The following NPAT variants were observed in gnomAD, a reference collection of about 807,000 sequenced individuals.
NPAT encodes nuclear protein, coactivator of histone transcription, also known as protein NPAT.
NPAT carries 52 observed loss-of-function variants against 130.7 expected under a neutral mutation model. The ratio of observed to expected loss-of-function variants is 0.40; its 90% CI spans 0.32 to 0.50. The LOEUF is 0.50. NPAT is among the 20% of genes least tolerant of loss of function. The probability of loss-of-function intolerance (pLI) is 0.68; values close to 1 mark genes in which losing one functional copy is unlikely to be tolerated. For missense variants in NPAT, 1,687 were observed against 1,662.6 expected, an observed-to-expected ratio of 1.01 and a Z score of -0.26; for synonymous variants, 580 against 584.8, an observed-to-expected ratio of 0.99 and a Z score of 0.12.
intron 10 of NPAT, among the ~76,000 whole-genome samples, chr11:108,180,465 A>G (rs1378174947): frequency 1.3e-5 from 2 of 152,228 alleles, no homozygotes; most frequent in Admixed American, 1.3e-4. Context: ...TAACATCACT[A>G]ATCATTAGAG....
At chr11:108,203,130 C>T (rs1412246840) in intron 1 of NPAT, among the ~76,000 whole-genome samples, 1 of 152,204 alleles carries the variant, frequency 6.6e-6, no homozygotes, top group Admixed American at 6.5e-5. Context: ...CATAGCCCTA[C>T]TACATGTCAG....
At chr11:108,191,193 A>G (rs1390356380) in intron 4 of NPAT, among the ~76,000 whole-genome samples, 1 of 152,194 alleles carries the variant, frequency 6.6e-6, no homozygotes, top group Non-Finnish European at 1.5e-5. Context: ...TCCCACAGAG[A>G]AATTCTGATT....
chr11:108,186,496 A>G lies in NPAT; in HGVS notation c.712T>C (p.Phe238Leu), dbSNP rs1478008488. 8 of 1,614,030 alleles carry G rather than the reference A, an allele frequency of 5.0e-6. No homozygotes were observed. Among genetic ancestry groups the G allele is most frequent in the Non-Finnish European group, 6.8e-6 (8 of 1,179,944 alleles). ...GAGTCACTTACTTTTTCTACTGCAA[A>G]AGCGTTTGGATCTTGGAAATTCCGT... The part of the protein sequence containing the change: ...TIRNFQDPNA[F>L]AVEKQMVIEN... The change falls in exon 8 of 18, where the codon TTT (phenylalanine) becomes CTT (leucine). Residue 238 changes from phenylalanine (F) to leucine (L), a missense_variant. By Grantham distance (22) the Phe-to-Leu change is conservative. Around this residue, in one of 3 missense-constraint regions of NPAT, gnomAD observed 307 missense variants for 298.9 expected, o/e 1.03. Coordinates refer to ENST00000278612, the MANE Select transcript of NPAT (RefSeq NM_002519.3).
chr11:108,208,273 T>C (rs2078348319), intron 1 of NPAT: 3 of 321,048 alleles, frequency 9.3e-6, no homozygotes, highest in Middle Eastern at 2.2e-3. Flanking sequence ...CAAATATTGT[T>C]ACTAGAGACA....
intron 1 of NPAT, among the ~76,000 whole-genome samples, chr11:108,197,857 T>TA (rs2078238777): frequency 6.6e-6 from 1 of 152,192 alleles, no homozygotes; most frequent in African/African-American, 2.4e-5. Flanking sequence ...AAATGATTTA[T>TA]AAAAAGAATG....
intron 1 of NPAT, among the ~76,000 whole-genome samples, chr11:108,217,162 T>C (rs569577426): frequency 6.6e-6 from 1 of 152,066 alleles, no homozygotes; most frequent in East Asian, 1.9e-4. Flanking sequence ...TATTACAGTG[T>C]GAGCATGAGT....
intron 15 of NPAT, among the ~76,000 whole-genome samples, chr11:108,166,538 A>G (rs2077904582): frequency 6.6e-6 from 1 of 152,120 alleles, no homozygotes. Flanking sequence ...GAAGGGATCT[A>G]CTTTCTTCTC....
Position 108,189,444 on chromosome 11 carries a change from A to C in NPAT, c.332-114T>G, listed in dbSNP as rs541207131. On this transcript the variant is annotated intron_variant, in intron 5 of 17. Coordinates refer to ENST00000278612, the MANE Select transcript of NPAT (RefSeq NM_002519.3). ...ACAACGTGTTACATCCACAGATTGA[A>C]GAATGATTCCTAAATATATCAACTA... The C allele has an allele frequency of 7.0e-6, 6 of 852,070 alleles. No individual in the cohort carries two copies. The Admixed American group carries it at 1.1e-4, about 16-fold the overall frequency. The allele number at this position is 852,070 out of a possible 1,614,324, so 52.8% of individuals were successfully genotyped here. A position where few individuals can be genotyped will look rare whatever the true frequency, so the allele number is the denominator to read the frequency against.
rs375938291 is a variant in NPAT, at chr11:108,185,311, T to C, written c.827A>G (p.Asn276Ser). The C allele has an allele frequency of 1.1e-5, 17 of 1,608,618 alleles. No individual in the cohort carries two copies. Among genetic ancestry groups the C allele is most frequent in the African/African-American group, 6.7e-5 (5 of 74,834 alleles). ...NINKFLTSDN[N>S]IAQVPKQTDN... The stretch of plus-strand genomic sequence containing the variant: ...TGTTTGCTTAGGTACTTGGGCAATA[T>C]TGTTATCACTGTTAATAAAGAAAGA... The change falls in exon 10 of 18, where the codon AAT becomes AGT. Residue 276 changes from asparagine to serine, a missense_variant. Around this residue, in one of 3 missense-constraint regions of NPAT, gnomAD observed 1,379 missense variants for 1,346.6 expected, o/e 1.02. Transcript: ENST00000278612.
chr11:108,220,441 T>A lies in NPAT; in HGVS notation c.37+2059A>T, dbSNP rs188903432. Among the ~76,000 whole-genome samples, 288 of 151,946 alleles carry A rather than the reference T, an allele frequency of 1.9e-3. 2 individuals are homozygous for A. Among genetic ancestry groups the A allele is most frequent in the African/African-American group, 6.3e-3 (261 of 41,444 alleles). On this transcript the variant is annotated intron_variant, in intron 1 of 17. Coordinates refer to ENST00000278612, the MANE Select transcript of NPAT (RefSeq NM_002519.3). ...TTTTTTGTGTGTATGTTTAAGAATT[T>A]AAAAAAAACCTAATTATCTGAACAC...
chr11:108,218,100 C>T (rs1481854924), intron 1 of NPAT, among the ~76,000 whole-genome samples: 1 of 152,040 alleles, frequency 6.6e-6, no homozygotes, highest in Non-Finnish European at 1.5e-5. Context: ...ACTGTTTTTT[C>T]CTTTTATTCC....
chr11:108,197,715 A>G (rs1308375497), intron 1 of NPAT, among the ~76,000 whole-genome samples: 1 of 152,234 alleles, frequency 6.6e-6, no homozygotes, highest in African/African-American at 2.4e-5. Flanking sequence ...TTAATGATAA[A>G]TAACTATGTC....
At chr11:108,159,076 G>C (rs188181813) in intron 17 of NPAT, 57 bp from the exon 18 acceptor site, 9 of 1,094,242 alleles carry the variant, frequency 8.2e-6, no homozygotes, top group Non-Finnish European at 1.2e-5. Flanking sequence ...TGCTTTCTTA[G>C]TAAGTCACCT....
intron 1 of NPAT, among the ~76,000 whole-genome samples, chr11:108,206,844 C>A (rs2078330323): frequency 6.6e-6 from 1 of 152,226 alleles, no homozygotes; most frequent in Non-Finnish European, 1.5e-5. Context: ...GAACAGCCCT[C>A]AGGAGACCTG....
rs778955211 is a variant in NPAT at position 108,177,015 on chromosome 11, G to A, written c.982C>T (p.Leu328Phe). 8.7e-6 allele frequency: 14 copies of A among 1,610,838 alleles called. No homozygotes were observed. Among genetic ancestry groups the A allele is most frequent in the South Asian group, 1.1e-5 (1 of 91,016 alleles). ...TTACCATAGTCAAAGAGATCAAAGA[G>A]TGCCTGAAATGCTGGGTCTGATTCT... ...QTESDPAFQA[L>F]FDLFDYGKTK... Residue 328 changes from leucine (L) to phenylalanine (F), a missense_variant, in exon 11 of 18, where the codon CTC (leucine) becomes TTC (phenylalanine). By Grantham distance (22) the Leu-to-Phe change is conservative. Coordinates refer to ENST00000278612, the MANE Select transcript of NPAT (RefSeq NM_002519.3).
Position 108,205,479 on chromosome 11 carries a change from A to C in NPAT, c.38-8059T>G, listed in dbSNP as rs114276621. Among the ~76,000 whole-genome samples the C allele has an allele frequency of 7.9e-3, 1,197 of 152,156 alleles. 11 individuals carry two copies. Among genetic ancestry groups the C allele is most frequent in the African/African-American group, 0.027 (1,101 of 41,496 alleles). On this transcript the variant is annotated intron_variant, in intron 1 of 17. Coordinates refer to ENST00000278612, the MANE Select transcript of NPAT (RefSeq NM_002519.3). Reference sequence around the variant, plus strand: ...TGGTGTCTCACTATATGTTGCCTAGATAGGTCTTGAACTCCTAGCCTCAAG... The same window carrying C: ...TGGTGTCTCACTATATGTTGCCTAGCTAGGTCTTGAACTCCTAGCCTCAAG...
chr11:108,161,785 G>A lies in NPAT; in HGVS notation c.3301C>T (p.Pro1101Ser), dbSNP rs746405323. Residue 1101 changes from proline to serine, a missense_variant, in exon 17 of 18, where the codon CCC becomes TCC. Coordinates refer to ENST00000278612, the MANE Select transcript of NPAT (RefSeq NM_002519.3). ...GGTTTTAAGGTGGAGGACACATTGGGTGAGTCAAGATTAGGAAAAGAGACT... is the reference window on the plus strand; with the variant it reads ...GGTTTTAAGGTGGAGGACACATTGGATGAGTCAAGATTAGGAAAAGAGACT... The part of the protein sequence containing the change: ...NAVSFPNLDS[P>S]NVSSTLKPPS... 1.9e-6 allele frequency: 3 copies of A among 1,613,802 alleles called. No individual in the cohort carries two copies. Among genetic ancestry groups the A allele is most frequent in the African/African-American group, 1.3e-5 (1 of 74,902 alleles).
chr11:108,200,014 G>C (rs1214279455), intron 1 of NPAT, among the ~76,000 whole-genome samples: 1 of 152,222 alleles, frequency 6.6e-6, no homozygotes, highest in Non-Finnish European at 1.5e-5. Context: ...GTGTAATTCA[G>C]AACAACTTGG....
chr11:108,167,287 T>C (rs973768355), intron 15 of NPAT, among the ~76,000 whole-genome samples: 1 of 152,220 alleles, frequency 6.6e-6, no homozygotes, highest in African/African-American at 2.4e-5. Flanking sequence ...CATGGCTTAC[T>C]TACAGCCTCA....
Sources: allele counts gnomAD v4.1 joint callset (sites outside exome capture counted in the v4.1 genomes callset), GRCh38; gene constraint gnomAD v4.1.1; regional missense constraint gnomAD v4.1.1; transcripts MANE v1.5; gene names NCBI Gene and HGNC (gene_info 2026-07-23, HGNC 2026-07-21).